LRP11: variants seen among roughly 807,000 people sequenced by gnomAD.
LRP11 encodes LDL receptor related protein 11.
Under a neutral mutation model 43.1 loss-of-function variants are expected in LRP11, and 25 were observed. The ratio of observed to expected loss-of-function variants is 0.58; its 90% CI spans 0.42 to 0.81. LRP11 has a LOEUF of 0.81. LRP11 is among the 30% of genes least tolerant of loss of function. LRP11 has a pLI of 0.00. For synonymous variants in LRP11, 316 were observed against 299.4 expected (o/e 1.06, Z -0.57); for missense variants, 623 against 665.1 (o/e 0.94, Z 0.70).
chr6:149,861,474 A>G (rs973435415), intron 1 of LRP11, among the ~76,000 whole-genome samples: 24 of 152,206 alleles, frequency 1.6e-4, no homozygotes, highest in Non-Finnish European at 2.9e-4. Context: ...GAAGCAAGCA[A>G]GAGGAAAAAC....
chr6:149,820,528 C>T lies in LRP11; in HGVS notation c.*21G>A, dbSNP rs768172136. 12 of 775,258 alleles carry T rather than the reference C, an allele frequency of 1.5e-5. No individual in the cohort carries two copies. 48.0% of individuals were successfully genotyped at this position (775,258 alleles called of 1,614,324 possible). ...TTATAAACAAAACATGTCCCTGCCC[C>T]AAGGTATTGAAATTACATTACTATA... On this transcript the variant is annotated 3_prime_UTR_variant, in exon 7 of 7. Transcript: ENST00000239367.
intron 1 of LRP11, among the ~76,000 whole-genome samples, chr6:149,855,407 G>C (rs1334310294): frequency 6.6e-6 from 1 of 152,108 alleles, no homozygotes; most frequent in Non-Finnish European, 1.5e-5. Context: ...CCTGCTTGTA[G>C]GTGCACACTC....
intron 2 of LRP11, among the ~76,000 whole-genome samples, chr6:149,846,409 G>A (rs1183138241): frequency 6.6e-6 from 1 of 152,178 alleles, no homozygotes. Flanking sequence ...GTCAAGTAAG[G>A]TGACACAAGA....
chr6:149,843,029 A>G lies in LRP11; in HGVS notation c.867T>C (p.Ser289=). The part of the protein sequence containing the change: ...TVTDTAGQRS[S]DNVSVTVLRA... ...GAAGCACTGTCACTGACACGTTGTC[A>G]GAGCTTCTCTGCCCGGCAGTGTCCG... The change falls in exon 3 of 7, where the codon TCT becomes TCC. Residue 289 remains serine (S), a synonymous_variant. Transcript: ENST00000239367. 6.2e-7 allele frequency: 1 copy of G among 1,614,244 alleles called. No individual in the cohort carries two copies. Among genetic ancestry groups the G allele is most frequent in the Non-Finnish European group, 8.5e-7 (1 of 1,180,042 alleles).
Position 149,841,473 on chromosome 6 carries a change from T to C in LRP11, c.913+1510A>G, listed in dbSNP as rs190813951. On this transcript the variant is annotated intron_variant, in intron 3 of 6. Transcript: ENST00000239367. ...CACGATGACCGAGTAACAGGATATT[T>C]AAATGTACAAGACCTTAGCACCTCT... is the stretch of plus-strand genomic sequence containing the variant. Among the ~76,000 whole-genome samples, 6 of 152,312 alleles carry C rather than the reference T, an allele frequency of 3.9e-5. No homozygotes were observed. The East Asian group carries it at 1.2e-3, about 29-fold the overall frequency.
chr6:149,845,463 G>A (rs977598352), intron 2 of LRP11, among the ~76,000 whole-genome samples: 3 of 152,170 alleles, frequency 2.0e-5, no homozygotes, highest in South Asian at 2.1e-4. Context: ...TGGCAATGAC[G>A]GCCACCTGCC....
intron 2 of LRP11, 66 bp downstream of exon 2, chr6:149,852,937 C>T: frequency 7.2e-7 from 1 of 1,390,238 alleles, no homozygotes; most frequent in Non-Finnish European, 9.7e-7. Context: ...CATGAAGTGG[C>T]AGGACATTAC....
intron 1 of LRP11, among the ~76,000 whole-genome samples, chr6:149,856,961 GA>G: frequency 6.6e-6 from 1 of 151,888 alleles, no homozygotes; most frequent in Non-Finnish European, 1.5e-5. Context: ...CAACACTTCG[GA>G]AAAAAAATTA....
At chr6:149,836,931 C>T (rs540254374) in intron 4 of LRP11, among the ~76,000 whole-genome samples, 35 of 152,152 alleles carry the variant, frequency 2.3e-4, no homozygotes, top group Admixed American at 6.6e-4. Context: ...TTCAGTTTTT[C>T]TTCTTTCTTA....
In LRP11 at chr6:149,863,792, G is replaced by C; in HGVS notation, c.229C>G (p.Leu77Val). 6.7e-7 allele frequency: 1 copy of C among 1,490,794 alleles called. No homozygotes were observed. The allele number at this position is 1,490,794 out of a possible 1,614,324, so 92.3% of individuals were successfully genotyped here. A position where few individuals can be genotyped will look rare whatever the true frequency, so the allele number is the denominator to read the frequency against. The change falls in exon 1 of 7, where the codon CTG (leucine) becomes GTG (valine). Residue 77 changes from leucine to valine, a missense_variant. Transcript: ENST00000239367. The part of the protein sequence containing the change: ...QQERPQEELE[L>V]ELRAGGGPQE... ...GGGCCGCCGCCCGCGCGCAGCTCCA[G>C]CTCCAGCTCCTCCTGAGGCCGCTCC...
chr6:149,828,003 C>G (rs2115375235), intron 5 of LRP11, among the ~76,000 whole-genome samples: 1 of 147,268 alleles, frequency 6.8e-6, no homozygotes, highest in South Asian at 2.2e-4. Context: ...GCCTGGGCGA[C>G]TGAGCAAGAC....
intron 2 of LRP11, 130 bp downstream of exon 2, chr6:149,852,873 G>T (rs527814750): frequency 3.9e-6 from 3 of 777,104 alleles, no homozygotes; most frequent in East Asian, 3.0e-5. Flanking sequence ...GGCATAATCA[G>T]TTTTATACAG....
chr6:149,841,932 A>G (rs551117009), intron 3 of LRP11, among the ~76,000 whole-genome samples: 1 of 152,302 alleles, frequency 6.6e-6, no homozygotes, highest in South Asian at 2.1e-4. Context: ...AAAAAAATGT[A>G]GATGTTTAGA....
chr6:149,835,026 A>C (rs991046096), intron 5 of LRP11, among the ~76,000 whole-genome samples: 17 of 152,366 alleles, frequency 1.1e-4, no homozygotes, highest in African/African-American at 3.8e-4. Context: ...AATACAACTT[A>C]TGCAGAGTCT....
chr6:149,844,936 C>T (rs980879189), intron 2 of LRP11, among the ~76,000 whole-genome samples: 5 of 152,164 alleles, frequency 3.3e-5, no homozygotes, highest in African/African-American at 4.8e-5. Context: ...CTCAGAGAGT[C>T]AGAGTCAGTG....
At chr6:149,837,271 C>A in intron 4 of LRP11, 67 bp downstream of exon 4, 2 of 1,539,386 alleles carry the variant, frequency 1.3e-6, no homozygotes, top group South Asian at 1.2e-5. Flanking sequence ...ATTTCATTCT[C>A]AGAACACAGA....
At position 149,836,078 on chromosome 6, in the gene LRP11, T is replaced by C; in HGVS notation, c.1252+7A>G. The C allele has an allele frequency of 6.2e-7, 1 of 1,612,586 alleles. No individual in the cohort carries two copies. Among genetic ancestry groups the C allele is most frequent in the Non-Finnish European group, 8.5e-7 (1 of 1,178,610 alleles). ...TTCTTCATTGAGAACCCACCGTGAATCCTTACCTGGCATCACAGGAATGAT... is the reference window on the plus strand; with the variant it reads ...TTCTTCATTGAGAACCCACCGTGAACCCTTACCTGGCATCACAGGAATGAT... On this transcript the variant is annotated splice_region_variant and intron_variant, in intron 5 of 6. Transcript: ENST00000239367.
intron 6 of LRP11, among the ~76,000 whole-genome samples, chr6:149,822,964 G>A (rs1776295302): frequency 6.6e-6 from 1 of 152,132 alleles, no homozygotes; most frequent in African/African-American, 2.4e-5. Context: ...GGTGGTAGCT[G>A]CAGTCACAAT....
At chr6:149,841,926 A>T (rs1327541434) in intron 3 of LRP11, among the ~76,000 whole-genome samples, 2 of 152,198 alleles carry the variant, frequency 1.3e-5, no homozygotes, top group Admixed American at 1.3e-4. Flanking sequence ...CTCAAAAAAA[A>T]AATGTAGATG....
Sources: allele counts gnomAD v4.1 joint callset (sites outside exome capture counted in the v4.1 genomes callset), GRCh38; gene constraint gnomAD v4.1.1; transcripts MANE v1.5; gene names NCBI Gene and HGNC (gene_info 2026-07-23, HGNC 2026-07-21).